ACOX3: variants seen among roughly 807,000 people sequenced by gnomAD.
ACOX3 encodes acyl-CoA oxidase 3, pristanoyl.
In ACOX3, 73 loss-of-function variants were observed where a neutral mutation model predicts 81.5. That is an observed-to-expected ratio of 0.90 (90% confidence interval 0.74 to 1.09). The LOEUF (loss-of-function observed/expected upper bound fraction) is 1.09, where lower values mean the gene tolerates loss of function less well. Among genes scored for constraint, ACOX3 ranks in the 50% least tolerant of loss-of-function variants. The pLI is 0.00. For missense variants in ACOX3, 947 were observed against 928.0 expected, an observed-to-expected ratio of 1.02 and a Z score of -0.27; for synonymous variants, 387 against 375.1, an observed-to-expected ratio of 1.03 and a Z score of -0.37.
chr4:8,424,623 G>T (rs950392765), intron 1 of ACOX3, among the ~76,000 whole-genome samples: 1 of 152,222 alleles, frequency 6.6e-6, no homozygotes, highest in African/African-American at 2.4e-5. Context: ...GAGACTTACG[G>T]CTGTCAGACA....
intron 14 of ACOX3, among the ~76,000 whole-genome samples, chr4:8,378,412 G>A (rs993561602): frequency 2.6e-5 from 4 of 152,200 alleles, no homozygotes; most frequent in African/African-American, 2.4e-5. Context: ...AAATGTCCTC[G>A]TCCTTGTCCG....
Position 8,399,875 on chromosome 4 carries a change from G to A in ACOX3, c.777-223C>T, listed in dbSNP as rs536115880. Reference sequence around the variant, plus strand: ...AACTCTTTGGAAGACTGAGGCAGGAGGATTGCTTGAGCCCAGGAGTTTGAG... The same window carrying A: ...AACTCTTTGGAAGACTGAGGCAGGAAGATTGCTTGAGCCCAGGAGTTTGAG... On this transcript the variant is annotated intron_variant, in intron 7 of 17. Transcript: ENST00000356406. This position sits in a 1 kb window ranked among gnomAD's most constrained non-coding sequence, Gnocchi z 4.9. Among the ~76,000 whole-genome samples the A allele has an allele frequency of 7.9e-5, 12 of 152,316 alleles. No individual in the cohort carries two copies. Among genetic ancestry groups the A allele is most frequent in the African/African-American group, 2.6e-4 (11 of 41,566 alleles).
At chr4:8,372,821 A>G (rs1699357051) in intron 16 of ACOX3, among the ~76,000 whole-genome samples, 1 of 152,236 alleles carries the variant, frequency 6.6e-6, no homozygotes, top group African/African-American at 2.4e-5. Context: ...TCCTAGCAGC[A>G]AAAGTGGAAT....
At chr4:8,388,496 G>A (rs952559224) in intron 13 of ACOX3, among the ~76,000 whole-genome samples, 1 of 152,234 alleles carries the variant, frequency 6.6e-6, no homozygotes, top group Non-Finnish European at 1.5e-5. Context: ...CTTTGCTTTC[G>A]ATGCTGCCAG....
Position 8,415,914 on chromosome 4 carries a change from A to C in ACOX3, c.230T>G (p.Leu77Arg). Residue 77 changes from leucine (L) to arginine (R), a missense_variant, in exon 3 of 18, where the codon CTG becomes CGG. Physicochemically the swap from Leu to Arg is moderately radical, Grantham distance 102 (BLOSUM62 -2). Coordinates refer to ENST00000356406, the MANE Select transcript of ACOX3 (RefSeq NM_003501.3). ...ADLSLEKYRE[L>R]NFLRCKRIFE... ...GATCCGCTTGCATCGAAGGAAGTTC[A>C]GCTCGCGATACTTCTCCAAGGACAG... 6.2e-7 allele frequency: 1 copy of C among 1,614,234 alleles called. No homozygotes were observed. Among genetic ancestry groups the C allele is most frequent in the Non-Finnish European group, 8.5e-7 (1 of 1,180,048 alleles).
rs1033728404 is a variant in ACOX3, at chr4:8,414,479, A to C, written c.454-98T>G. The C allele has an allele frequency of 1.8e-6, 2 of 1,128,734 alleles. No individual in the cohort carries two copies. The highest frequency in any genetic ancestry group is 3.1e-5 in the African/African-American group (2 of 65,094). The allele number at this position is 1,128,734 out of a possible 1,614,324, so 69.9% of individuals were successfully genotyped here. A position where few individuals can be genotyped will look rare whatever the true frequency, so the allele number is the denominator to read the frequency against. ...CCATCTTTCCTTTAAAGATGAAACCACATATCAAAGCCCCAAATTTCCATC... is the reference window on the plus strand; with the variant it reads ...CCATCTTTCCTTTAAAGATGAAACCCCATATCAAAGCCCCAAATTTCCATC... On this transcript the variant is annotated intron_variant, in intron 4 of 17. Coordinates refer to ENST00000356406, the MANE Select transcript of ACOX3 (RefSeq NM_003501.3). This position sits in a 1 kb window ranked among gnomAD's most constrained non-coding sequence, Gnocchi z 6.1.
At chr4:8,359,098 T>C in the ACOX3 span, among the ~76,000 whole-genome samples, 1 of 152,124 alleles carries the variant, frequency 6.6e-6, no homozygotes, top group African/African-American at 2.4e-5. This position sits in a 1 kb window ranked among gnomAD's most constrained non-coding sequence, Gnocchi z 6.0. Context: ...AACATCTTTC[T>C]GGCGACCACA....
At chr4:8,440,135 C>T (rs1724520165) in intron 1 of ACOX3, among the ~76,000 whole-genome samples, 1 of 151,670 alleles carries the variant, frequency 6.6e-6, no homozygotes, top group Non-Finnish European at 1.5e-5. Context: ...TCACGTTTCC[C>T]ATGCTTGCTC....
downstream of ACOX3, among the ~76,000 whole-genome samples, chr4:8,361,314 TA>T (rs2108768955): frequency 6.7e-6 from 1 of 150,020 alleles, no homozygotes; most frequent in East Asian, 2.0e-4. Context: ...TAGTCCCAGC[TA>T]CTCAGGAGGC....
downstream of ACOX3, among the ~76,000 whole-genome samples, chr4:8,362,247 A>G (rs950100671): frequency 6.6e-6 from 1 of 152,262 alleles, no homozygotes; most frequent in Non-Finnish European, 1.5e-5. Context: ...GCAAAACAGG[A>G]GTTAACTAAA....
At chr4:8,418,331 T>C (rs560462477) in intron 1 of ACOX3, among the ~76,000 whole-genome samples, 1 of 152,132 alleles carries the variant, frequency 6.6e-6, no homozygotes, top group South Asian at 2.1e-4. Flanking sequence ...TGGTGGCACA[T>C]GGCTGTAATC....
chr4:8,415,025 C>A, intron 3 of ACOX3, 97 bp from the exon 4 acceptor site: 1 of 1,116,998 alleles, frequency 9.0e-7, no homozygotes, highest in Non-Finnish European at 1.4e-6. Flanking sequence ...ACACCATGCC[C>A]ACGCTGGTTC....
chr4:8,390,737 C>T (rs1163189813), intron 11 of ACOX3, among the ~76,000 whole-genome samples: 1 of 152,174 alleles, frequency 6.6e-6, no homozygotes, highest in Non-Finnish European at 1.5e-5. Flanking sequence ...TGACTTCTCA[C>T]ACTCACGTAC....
chr4:8,433,356 G>A (rs941060325), intron 1 of ACOX3, among the ~76,000 whole-genome samples: 3 of 152,236 alleles, frequency 2.0e-5, no homozygotes, highest in Admixed American at 6.5e-5. Flanking sequence ...AGAACACCAC[G>A]TAACCACGGA....
rs142177374 is a variant in ACOX3 at position 8,397,071 on chromosome 4, G to C, written c.922C>G (p.Arg308Gly). The stretch of plus-strand genomic sequence containing the variant: ...ATGGCCAGGCTCACGATGGAGACCC[G>C]GCCCGAGGACAGGCTCCCCAGGGAC... Reference protein sequence around the residue: ...GASLGSLSSGRVSIVSLAILN... With the variant: ...GASLGSLSSGGVSIVSLAILN... The change falls in exon 9 of 18, where the codon CGG becomes GGG. Residue 308 changes from arginine (R) to glycine (G), a missense_variant. Arg to Gly is a moderately radical substitution (Grantham distance 125). Transcript: ENST00000356406. The C allele has an allele frequency of 2.5e-6, 4 of 1,598,248 alleles. No individual in the cohort carries two copies. Among genetic ancestry groups the C allele is most frequent in the East Asian group, 2.3e-5 (1 of 43,988 alleles).
intron 6 of ACOX3, among the ~76,000 whole-genome samples, chr4:8,409,297 G>A (rs1721410066): frequency 6.6e-6 from 1 of 152,264 alleles, no homozygotes; most frequent in African/African-American, 2.4e-5. Flanking sequence ...CCTCTCAGCT[G>A]TGTCACTGGG....
downstream of ACOX3, among the ~76,000 whole-genome samples, chr4:8,365,576 C>T (rs940896781): frequency 6.6e-6 from 1 of 152,208 alleles, no homozygotes; most frequent in African/African-American, 2.4e-5. Context: ...TGGGACCAGT[C>T]TCCTCTCTGC....
rs556181297 is a variant in ACOX3 at position 8,422,077 on chromosome 4, G to A, written c.-14-5542C>T. Among the ~76,000 whole-genome samples, 40 of 152,300 alleles carry A rather than the reference G, an allele frequency of 2.6e-4. No homozygotes were observed. In the South Asian group the frequency reaches 3.7e-3, roughly 14 times the overall value. On this transcript the variant is annotated intron_variant, in intron 1 of 17. Coordinates refer to ENST00000356406, the MANE Select transcript of ACOX3 (RefSeq NM_003501.3). ...ATAGAGGCAAATGGGGGCAACGAGC[G>A]AACATTCTTCCGCTGTGTTCCCAAA...
In ACOX3 at chr4:8,394,843, C is replaced by A. The variant is rs1719502363; in HGVS notation, c.1057-101G>T. 1.4e-6 allele frequency: 2 copies of A among 1,440,408 alleles called. No individual in the cohort carries two copies. Among genetic ancestry groups the A allele is most frequent in the African/African-American group, 1.4e-5 (1 of 70,448 alleles). The allele number at this position is 1,440,408 out of a possible 1,614,324, so 89.2% of individuals were successfully genotyped here. On this transcript the variant is annotated intron_variant, in intron 9 of 17. Transcript: ENST00000356406. The surrounding 1 kb of genome is among the most constrained non-coding windows in gnomAD (Gnocchi z 5.9). ...CCAGTGCAGGGAGAGGCCGTCAGGGCCACACACCCACTAGCGCTGAAGGTC... is the reference window on the plus strand; with the variant it reads ...CCAGTGCAGGGAGAGGCCGTCAGGGACACACACCCACTAGCGCTGAAGGTC...
Sources: allele counts gnomAD v4.1 joint callset (sites outside exome capture counted in the v4.1 genomes callset), GRCh38; gene constraint gnomAD v4.1.1; non-coding constraint Gnocchi (gnomAD v3.1); transcripts MANE v1.5; gene names NCBI Gene and HGNC (gene_info 2026-07-23, HGNC 2026-07-21).